Variants in CNTNAP2 observed in about 807,000 individuals in gnomAD.
CNTNAP2 encodes contactin-associated protein-like 2.
CNTNAP2 carries 98 observed loss-of-function variants against 155.2 expected under a neutral mutation model. That is an observed-to-expected ratio of 0.63 (90% CI 0.54 to 0.75). The LOEUF is 0.75. CNTNAP2 is among the 30% of genes least tolerant of loss of function. The probability of loss-of-function intolerance (pLI) is 0.00; values close to 1 mark genes in which losing one functional copy is unlikely to be tolerated. For missense variants in CNTNAP2, 1,727 were observed against 1,688.1 expected, an observed-to-expected ratio of 1.02 and a Z score of -0.40; for synonymous variants, 651 against 631.2, an observed-to-expected ratio of 1.03 and a Z score of -0.47.
At chr7:148,198,716 T>G (rs1020519265) in intron 18 of CNTNAP2, among the ~76,000 whole-genome samples, 3 of 152,238 alleles carry the variant, frequency 2.0e-5, no homozygotes, top group African/African-American at 7.2e-5. Context: ...GGTTAAAGCT[T>G]CATAGGATAT....
intron 3 of CNTNAP2, among the ~76,000 whole-genome samples, chr7:146,971,412 G>C (rs898780010): frequency 3.3e-5 from 5 of 152,208 alleles, no homozygotes; most frequent in African/African-American, 9.6e-5. Context: ...AAACACTAGC[G>C]ATATGAATAA....
chr7:147,136,553 C>A (rs565701266), intron 8 of CNTNAP2, among the ~76,000 whole-genome samples: 1 of 151,884 alleles, frequency 6.6e-6, no homozygotes, highest in Non-Finnish European at 1.5e-5. Context: ...TTTCTTGGTT[C>A]AGTGTGTGGC....
At chr7:146,495,552 ATTTTTTTTT>A (rs57676970) in intron 1 of CNTNAP2, among the ~76,000 whole-genome samples, 4 of 133,422 alleles carry the variant, frequency 3.0e-5, no homozygotes, top group East Asian at 2.3e-4. Flanking sequence ...CTAACAGGTC[ATTTTTTTTT>A]TTTTTTTTTT....
intron 12 of CNTNAP2, among the ~76,000 whole-genome samples, chr7:147,618,552 CAT>C (rs201402568): frequency 1.4e-5 from 2 of 144,922 alleles, no homozygotes; most frequent in African/African-American, 5.6e-5. Context: ...AGACTCAGCT[CAT>C]ATACTTTTAT....
intron 20 of CNTNAP2, among the ~76,000 whole-genome samples, chr7:148,249,858 G>A: frequency 6.6e-6 from 1 of 152,136 alleles, no homozygotes; most frequent in East Asian, 1.9e-4. Flanking sequence ...TGCTGCTCGG[G>A]CTCCAGACTC....
chr7:147,580,403 T>C (rs1302473198), intron 12 of CNTNAP2, among the ~76,000 whole-genome samples: 1 of 152,170 alleles, frequency 6.6e-6, no homozygotes, highest in Non-Finnish European at 1.5e-5. Context: ...AAGAGAATAT[T>C]AATTACCTAG....
intron 10 of CNTNAP2, among the ~76,000 whole-genome samples, chr7:147,423,285 A>G (rs1584940226): frequency 8.5e-6 from 1 of 117,238 alleles, no homozygotes; most frequent in Admixed American, 9.8e-5. Flanking sequence ...GTGTCTCTTA[A>G]TTAAGTTAGG....
At chr7:147,946,688 T>C (rs959681588) in intron 14 of CNTNAP2, among the ~76,000 whole-genome samples, 1 of 152,014 alleles carries the variant, frequency 6.6e-6, no homozygotes, top group African/African-American at 2.4e-5. Context: ...TGAGAAGGAA[T>C]AGCTGTGAGA....
At chr7:147,839,671 T>C (rs544945239) in intron 13 of CNTNAP2, among the ~76,000 whole-genome samples, 1 of 152,300 alleles carries the variant, frequency 6.6e-6, no homozygotes, top group East Asian at 1.9e-4. Flanking sequence ...ACAACCAAAA[T>C]GTCTCCTGAA....
chr7:147,134,883 GA>G (rs750000138), intron 8 of CNTNAP2, among the ~76,000 whole-genome samples: 1 of 151,802 alleles, frequency 6.6e-6, no homozygotes, highest in Non-Finnish European at 1.5e-5. Flanking sequence ...TTGATTGAAA[GA>G]ATTTAGAAAA....
At chr7:148,122,867 A>G (rs866272528) in intron 16 of CNTNAP2, among the ~76,000 whole-genome samples, 1 of 150,724 alleles carries the variant, frequency 6.6e-6, no homozygotes, top group Non-Finnish European at 1.5e-5. Flanking sequence ...AAAAAAAAAG[A>G]AAAAAAAAGA....
At chr7:148,040,938 AG>A (rs1399825141) in intron 15 of CNTNAP2, among the ~76,000 whole-genome samples, 2 of 152,156 alleles carry the variant, frequency 1.3e-5, no homozygotes, top group African/African-American at 4.8e-5. Flanking sequence ...GGCAAAATCA[AG>A]TGTACCTAAC....
chr7:147,095,223 A>G (rs1452112558), intron 4 of CNTNAP2, among the ~76,000 whole-genome samples: 3 of 139,778 alleles, frequency 2.1e-5, no homozygotes, highest in Non-Finnish European at 4.6e-5. Context: ...TTCAGTACAG[A>G]TGGGGTTTCA....
intron 1 of CNTNAP2, among the ~76,000 whole-genome samples, chr7:146,469,306 A>G (rs80076853): frequency 0.021 from 3,205 of 152,024 alleles, 75 homozygotes; most frequent in African/African-American, 0.052. Flanking sequence ...AAACTCCAGT[A>G]GCCATCCTGC....
intron 3 of CNTNAP2, among the ~76,000 whole-genome samples, chr7:146,971,268 A>G (rs1206012695): frequency 6.6e-6 from 1 of 152,198 alleles, no homozygotes. Flanking sequence ...GTACAAAGAG[A>G]GAACTCTTAA....
chr7:147,026,491 T>G (rs183858756), intron 3 of CNTNAP2, among the ~76,000 whole-genome samples: 2,161 of 152,260 alleles, frequency 0.014, 28 homozygotes, highest in Non-Finnish European at 0.022. Flanking sequence ...AGAATTTTAC[T>G]TATAGAATTC....
chr7:147,107,039 T>C (rs2129279266), intron 4 of CNTNAP2, among the ~76,000 whole-genome samples: 1 of 152,318 alleles, frequency 6.6e-6, no homozygotes, highest in South Asian at 2.1e-4. Flanking sequence ...TGTCCAGACT[T>C]GTAATTCTAA....
intron 9 of CNTNAP2, among the ~76,000 whole-genome samples, chr7:147,345,095 G>A (rs1033836715): frequency 3.3e-5 from 5 of 152,046 alleles, no homozygotes; most frequent in African/African-American, 1.2e-4. Context: ...ATGGGTTTAT[G>A]AGCCAGTACT....
chr7:146,646,511 T>C (rs534299209), intron 1 of CNTNAP2, among the ~76,000 whole-genome samples: 77 of 152,244 alleles, frequency 5.1e-4, no homozygotes, highest in African/African-American at 1.8e-3. Flanking sequence ...ATATACATTA[T>C]AGGTAAAAGT....
Sources: gnomAD v4.1 joint callset for allele counts (sites outside exome capture counted in the v4.1 genomes callset) on GRCh38, gnomAD v4.1.1 for gene constraint, MANE v1.5 for transcripts, NCBI Gene and HGNC (gene_info 2026-07-23, HGNC 2026-07-21) for gene names.